The following RYR3 variants were observed in gnomAD, a reference collection of about 807,000 sequenced individuals.
The protein encoded by RYR3 is brain ryanodine receptor-calcium release channel.
RYR3 carries 207 observed loss-of-function variants against 584.3 expected under a neutral mutation model. That is an observed-to-expected ratio of 0.35 (90% confidence interval 0.32 to 0.40). The LOEUF (loss-of-function observed/expected upper bound fraction) is 0.40, where lower values mean the gene tolerates loss of function less well. Among genes scored for constraint, RYR3 ranks in the 10% least tolerant of loss-of-function variants. The pLI is 1.00. For synonymous variants in RYR3, 2,416 were observed against 2,248.5 expected (o/e 1.07, Z -2.11); for missense variants, 5,616 against 6,089.2 (o/e 0.92, Z 2.59).
intron 65 of RYR3, among the ~76,000 whole-genome samples, chr15:33,782,138 GCTTCAC>G (rs2074426110): frequency 6.6e-6 from 1 of 150,496 alleles, no homozygotes; most frequent in South Asian, 2.1e-4. Context: ...ACTGTGTAGA[GCTTCAC>G]CTGGGGAAAG....
intron 3 of RYR3, among the ~76,000 whole-genome samples, chr15:33,515,960 T>C (rs1189083987): frequency 1.3e-5 from 2 of 152,236 alleles, no homozygotes; most frequent in Non-Finnish European, 1.5e-5. Context: ...TCCAAACATA[T>C]ATCCCTGTAT....
chr15:33,323,225 C>T (rs1969233057), intron 1 of RYR3, among the ~76,000 whole-genome samples: 3 of 152,108 alleles, frequency 2.0e-5, no homozygotes, highest in Admixed American at 2.0e-4. Context: ...CATCCTCCTG[C>T]CTCAGCCTCC....
At position 33,662,564 on chromosome 15, in the gene RYR3, T is replaced by A. The variant is rs764910869; in HGVS notation, c.5034T>A (p.Asp1678Glu). The change falls in exon 35 of 104, where the codon GAT becomes GAA. Residue 1678 changes from aspartate (D) to glutamate (E), a missense_variant. By Grantham distance (45) the Asp-to-Glu change is conservative. Transcript: ENST00000634891. The stretch of plus-strand genomic sequence containing the variant: ...CTTGCTTTGTTGTGACTGGTGAGGA[T>A]CACCAAAAGCAGAGCCCCGAGATTC... ...STPCFVVTGE[D>E]HQKQSPEIPL... The A allele has an allele frequency of 6.2e-7, 1 of 1,613,828 alleles. No individual in the cohort carries two copies. Among genetic ancestry groups the A allele is most frequent in the East Asian group, 2.2e-5 (1 of 44,870 alleles).
Position 33,853,028 on chromosome 15 carries a change from T to C in RYR3, c.13629-17T>C. The C allele has an allele frequency of 6.2e-7, 1 of 1,600,218 alleles. No homozygotes were observed. The highest frequency in any genetic ancestry group is 2.2e-5 in the East Asian group (1 of 44,640). Reference sequence around the variant, plus strand: ...TGTTAAGAATGAAGAACCAACCTTTTTCGTTTTGTTTTTCAGATCTTTTCC... The same window carrying C: ...TGTTAAGAATGAAGAACCAACCTTTCTCGTTTTGTTTTTCAGATCTTTTCC... On this transcript the variant is annotated splice_polypyrimidine_tract_variant and intron_variant, in intron 94 of 103. Transcript: ENST00000634891.
chr15:33,570,408 T>TCTGGA (rs1436724937), intron 12 of RYR3, among the ~76,000 whole-genome samples: 4 of 152,210 alleles, frequency 2.6e-5, no homozygotes, highest in Non-Finnish European at 5.9e-5. Context: ...AAGAGTTCTT[T>TCTGGA]CTGGACGCTT....
chr15:33,794,295 T>TATA lies in RYR3; in HGVS notation c.9830+5837_9830+5838insATA, dbSNP rs1567185294. On this transcript the variant is annotated intron_variant, in intron 67 of 103. Transcript: ENST00000634891. ...GATAGGTAAGGAAAGAAAAGATTTTTTATATATATATTTTTATATATATAT... is the reference window on the plus strand; with the variant it reads ...GATAGGTAAGGAAAGAAAAGATTTTTATATATATATATATTTTTATATATATAT... Among the ~76,000 whole-genome samples, 193 of 76,976 alleles carry TATA rather than the reference T, an allele frequency of 2.5e-3. 5 individuals are homozygous for TATA. Among genetic ancestry groups the TATA allele is most frequent in the African/African-American group, 7.0e-3 (182 of 25,906 alleles). The allele number at this position is 76,976 out of a possible 152,430, so 50.5% of individuals were successfully genotyped here. A position where few individuals can be genotyped will look rare whatever the true frequency, so the allele number is the denominator to read the frequency against.
chr15:33,790,746 A>T (rs1052638936), intron 67 of RYR3, among the ~76,000 whole-genome samples: 1 of 152,186 alleles, frequency 6.6e-6, no homozygotes, highest in African/African-American at 2.4e-5. Context: ...ACTAGATGAG[A>T]TAAGTAAAGG....
At chr15:33,622,321 C>G (rs114703883) in intron 19 of RYR3, among the ~76,000 whole-genome samples, 1,777 of 152,302 alleles carry the variant, frequency 0.012, 23 homozygotes, top group African/African-American at 0.041. Context: ...GTCTTCTCCA[C>G]CTCAGAGCCT....
intron 60 of RYR3, among the ~76,000 whole-genome samples, chr15:33,766,197 C>T (rs1425800714): frequency 7.3e-5 from 11 of 151,438 alleles, no homozygotes; most frequent in African/African-American, 1.7e-4. Flanking sequence ...GCAGGAGAAT[C>T]GCTTGAACCC....
intron 7 of RYR3, among the ~76,000 whole-genome samples, chr15:33,541,363 A>C (rs16972044): frequency 0.027 from 4,155 of 152,240 alleles, 83 homozygotes; most frequent in Non-Finnish European, 0.044. Context: ...ACTTGTATTT[A>C]TGGAAGGCCA....
intron 2 of RYR3, among the ~76,000 whole-genome samples, chr15:33,501,998 C>T (rs2052031912): frequency 6.6e-6 from 1 of 152,036 alleles, no homozygotes; most frequent in South Asian, 2.1e-4. Flanking sequence ...CCTGTATTGC[C>T]AGAATTCTAA....
chr15:33,649,354 A>G (rs1266356794), intron 31 of RYR3, 119 bp downstream of exon 31: 1 of 949,614 alleles, frequency 1.1e-6, no homozygotes, highest in East Asian at 2.4e-5. Context: ...AAAAGGAGAA[A>G]ATGAAGCACA....
chr15:33,549,538 C>G (rs184063951), intron 9 of RYR3, among the ~76,000 whole-genome samples: 224 of 152,290 alleles, frequency 1.5e-3, no homozygotes, highest in Non-Finnish European at 2.3e-3. Context: ...ATAACTTTTG[C>G]TGAGTGCTGA....
At chr15:33,732,691 C>T (rs965023058) in intron 48 of RYR3, among the ~76,000 whole-genome samples, 3 of 152,172 alleles carry the variant, frequency 2.0e-5, no homozygotes, top group African/African-American at 7.2e-5. Flanking sequence ...ATCAGAAATG[C>T]CTGATGAGTT....
intron 92 of RYR3, among the ~76,000 whole-genome samples, chr15:33,844,395 A>G (rs2078576849): frequency 1.3e-5 from 2 of 152,234 alleles, no homozygotes; most frequent in Non-Finnish European, 2.9e-5. Flanking sequence ...TTTGAGAGTC[A>G]TCTGTATAAG....
chr15:33,810,545 T>A lies in RYR3; in HGVS notation c.10093T>A (p.Ser3365Thr). ...GGGAGACTTGTATTCCATCCAGACC[T>A]CCCTCATCGTGGCTGCACTCAAGAA... ...RRGDLYSIQTSLIVAALKKML... is the reference protein window; with the variant it reads ...RRGDLYSIQTTLIVAALKKML... Residue 3365 changes from serine (S) to threonine (T), a missense_variant, in exon 71 of 104, where the codon TCC becomes ACC. Physicochemically the swap from Ser to Thr is moderately conservative, Grantham distance 58. This residue lies in a region of RYR3 where 954 missense variants were observed against 1,132.2 expected (regional missense o/e 0.84). Coordinates refer to ENST00000634891, the MANE Select transcript of RYR3 (RefSeq NM_001036.6). The A allele has an allele frequency of 6.2e-7, 1 of 1,613,996 alleles. No homozygotes were observed. The highest frequency in any genetic ancestry group is 2.2e-5 in the East Asian group (1 of 44,868).
At chr15:33,852,461 C>T (rs987721305) in intron 94 of RYR3, 1 of 154,300 alleles carries the variant, frequency 6.5e-6, no homozygotes, top group African/African-American at 2.4e-5. Context: ...AGGGATCCAA[C>T]TCCTGGAGGA....
chr15:33,669,288 G>A lies in RYR3; in HGVS notation c.5620-66G>A, dbSNP rs984677179. 3.9e-6 allele frequency: 5 copies of A among 1,276,896 alleles called. No individual in the cohort carries two copies. The African/African-American group carries it at 5.9e-5, about 15-fold the overall frequency. The allele number at this position is 1,276,896 out of a possible 1,614,324, so 79.1% of individuals were successfully genotyped here. A position where few individuals can be genotyped will look rare whatever the true frequency, so the allele number is the denominator to read the frequency against. Reference sequence around the variant, plus strand: ...AAAAGAATGTAAGTGTCTGTCTAAGGCAGGATCTGAGTTCCCTTGGCCAAC... The same window carrying A: ...AAAAGAATGTAAGTGTCTGTCTAAGACAGGATCTGAGTTCCCTTGGCCAAC... On this transcript the variant is annotated intron_variant, in intron 36 of 103. Coordinates refer to ENST00000634891, the MANE Select transcript of RYR3 (RefSeq NM_001036.6).
intron 19 of RYR3, among the ~76,000 whole-genome samples, chr15:33,613,863 C>T (rs1468886336): frequency 6.6e-6 from 1 of 152,108 alleles, no homozygotes; most frequent in African/African-American, 2.4e-5. Context: ...TGAGCCTTTT[C>T]CTGAGTCATT....
Sources: allele counts gnomAD v4.1 joint callset (sites outside exome capture counted in the v4.1 genomes callset), GRCh38; gene constraint gnomAD v4.1.1; regional missense constraint gnomAD v4.1.1; transcripts MANE v1.5; gene names NCBI Gene and HGNC (gene_info 2026-07-23, HGNC 2026-07-21).